The following TBX15 variants were observed in gnomAD, a reference collection of about 807,000 sequenced individuals.
TBX15 encodes the protein T-box transcription factor 15, also known as T-box transcription factor TBX15.
TBX15 carries 18 observed loss-of-function variants against 53.9 expected under a neutral mutation model. The observed-to-expected ratio is 0.33, with a 90% confidence interval of 0.23 to 0.49. The LOEUF (loss-of-function observed/expected upper bound fraction) is 0.49, where lower values mean the gene tolerates loss of function less well. TBX15 is among the 20% of genes least tolerant of loss of function. The pLI is 0.98. For synonymous variants in TBX15, 295 were observed against 278.0 expected (o/e 1.06, Z -0.61); for missense variants, 692 against 749.5 (o/e 0.92, Z 0.90).
At chr1:118,949,538 T>C (rs1419290) in intron 1 of TBX15, among the ~76,000 whole-genome samples, 8,484 of 152,318 alleles carry the variant, frequency 0.056, 279 homozygotes, top group Middle Eastern at 0.085. Flanking sequence ...GGGAGTTTCT[T>C]TCAAGTTTGT....
chr1:118,904,889 G>C (rs1172370344), intron 6 of TBX15, among the ~76,000 whole-genome samples: 1 of 152,170 alleles, frequency 6.6e-6, no homozygotes, highest in Non-Finnish European at 1.5e-5. Flanking sequence ...CTGACTATTA[G>C]TACAACCTTT....
intron 7 of TBX15, among the ~76,000 whole-genome samples, chr1:118,894,870 C>T (rs923004138): frequency 1.3e-5 from 2 of 152,056 alleles, no homozygotes; most frequent in Admixed American, 6.6e-5. Flanking sequence ...AGGAGCTCTT[C>T]ATGATTATAG....
At chr1:118,939,444 A>AAAAAC (rs1656091411) in intron 1 of TBX15, among the ~76,000 whole-genome samples, 1 of 136,012 alleles carries the variant, frequency 7.4e-6, no homozygotes, top group African/African-American at 2.7e-5. Context: ...AAACAAAAAC[A>AAAAAC]GGAACAGAAA....
At chr1:118,965,090 C>T (rs1656996299) in intron 1 of TBX15, among the ~76,000 whole-genome samples, 1 of 152,232 alleles carries the variant, frequency 6.6e-6, no homozygotes, top group South Asian at 2.1e-4. Flanking sequence ...TTTATTCTCT[C>T]CCTCACTAAC....
chr1:118,919,916 AAT>A (rs773563230), intron 5 of TBX15, among the ~76,000 whole-genome samples: 2 of 152,182 alleles, frequency 1.3e-5, no homozygotes, highest in African/African-American at 2.4e-5. Flanking sequence ...GACAAAATAA[AAT>A]AGTCTATTAA....
At chr1:118,943,192 C>T (rs937008901) in intron 1 of TBX15, among the ~76,000 whole-genome samples, 2 of 152,088 alleles carry the variant, frequency 1.3e-5, no homozygotes, top group East Asian at 1.9e-4. Context: ...TGACCATATG[C>T]GTTAAGTCTT....
In TBX15 at chr1:118,905,954, G is replaced by C. The variant is rs139134536; in HGVS notation, c.927-6829C>G. ...AGCAAGCTATGCCTAGCAGAAGAGAGTGAAACCATTCTCTGTACACTGTCA... is the reference window on the plus strand; with the variant it reads ...AGCAAGCTATGCCTAGCAGAAGAGACTGAAACCATTCTCTGTACACTGTCA... On this transcript the variant is annotated intron_variant, in intron 6 of 7. Transcript: ENST00000369429. Among the ~76,000 whole-genome samples, 593 of 152,296 alleles carry C rather than the reference G, an allele frequency of 3.9e-3. 2 individuals carry two copies. The highest frequency in any genetic ancestry group is 6.6e-3 in the Non-Finnish European group (449 of 68,014).
At chr1:118,890,396 A>T (rs1273546658) in intron 7 of TBX15, among the ~76,000 whole-genome samples, 1 of 152,120 alleles carries the variant, frequency 6.6e-6, no homozygotes, top group East Asian at 1.9e-4. Context: ...TTAAAATATA[A>T]TGCCCTAAGT....
At chr1:118,892,179 GACTTT>G (rs1443297548) in intron 7 of TBX15, among the ~76,000 whole-genome samples, 1 of 152,120 alleles carries the variant, frequency 6.6e-6, no homozygotes, top group African/African-American at 2.4e-5. Flanking sequence ...ATAAGATAGT[GACTTT>G]ACTTTAGAAA....
intron 7 of TBX15, among the ~76,000 whole-genome samples, chr1:118,888,861 A>C (rs531637626): frequency 6.6e-6 from 1 of 152,254 alleles, no homozygotes; most frequent in South Asian, 2.1e-4. Flanking sequence ...TGATGGCCCA[A>C]GATGGAAGGA....
At chr1:118,904,329 A>G (rs1654738469) in intron 6 of TBX15, among the ~76,000 whole-genome samples, 1 of 152,174 alleles carries the variant, frequency 6.6e-6, no homozygotes, top group Non-Finnish European at 1.5e-5. Context: ...CAAACCTTCC[A>G]TACTTCTTTC....
intron 6 of TBX15, among the ~76,000 whole-genome samples, chr1:118,910,822 G>A (rs1238558683): frequency 6.6e-6 from 1 of 152,124 alleles, no homozygotes; most frequent in African/African-American, 2.4e-5. Context: ...AGTTTCACCT[G>A]CTAGGGAAGG....
chr1:118,906,138 T>C (rs943604012), intron 6 of TBX15, among the ~76,000 whole-genome samples: 6 of 152,214 alleles, frequency 3.9e-5, no homozygotes, highest in Admixed American at 3.9e-4. Context: ...ATTGCTTGTA[T>C]ACTTATGATT....
At chr1:118,973,109 G>A (rs56897173) in intron 1 of TBX15, among the ~76,000 whole-genome samples, 55,550 of 151,992 alleles carry the variant, frequency 0.37, 11,031 homozygotes, top group Non-Finnish European at 0.44. Flanking sequence ...AAGCACCTTA[G>A]ATTTGTTATC....
intron 1 of TBX15, among the ~76,000 whole-genome samples, chr1:118,936,381 T>A (rs1007977901): frequency 6.6e-6 from 1 of 152,184 alleles, no homozygotes; most frequent in Non-Finnish European, 1.5e-5. Flanking sequence ...GCATCTCCAC[T>A]TAACAGTTAA....
At chr1:118,939,429 A>G (rs1480225959) in intron 1 of TBX15, among the ~76,000 whole-genome samples, 3 of 100,932 alleles carry the variant, frequency 3.0e-5, no homozygotes, top group South Asian at 5.8e-4. Context: ...AAAAAAAAAA[A>G]AAAAAAACAA....
chr1:118,957,317 C>T (rs1656724672), intron 1 of TBX15, among the ~76,000 whole-genome samples: 1 of 152,164 alleles, frequency 6.6e-6, no homozygotes, highest in South Asian at 2.1e-4. Context: ...AGAGTAATGC[C>T]TTGGCCCACT....
chr1:118,896,341 A>T (rs1654422835), intron 7 of TBX15, among the ~76,000 whole-genome samples: 1 of 152,202 alleles, frequency 6.6e-6, no homozygotes, highest in Admixed American at 6.5e-5. Flanking sequence ...AAATTTTTGC[A>T]AAACTGTGGA....
At chr1:118,910,419 T>C (rs1367075003) in intron 6 of TBX15, among the ~76,000 whole-genome samples, 1 of 151,996 alleles carries the variant, frequency 6.6e-6, no homozygotes, top group Non-Finnish European at 1.5e-5. Context: ...TTGTTGTTGT[T>C]GTTGTTGTTG....
Sources: allele counts gnomAD v4.1 joint callset (sites outside exome capture counted in the v4.1 genomes callset), GRCh38; gene constraint gnomAD v4.1.1; transcripts MANE v1.5; gene names NCBI Gene and HGNC (gene_info 2026-07-23, HGNC 2026-07-21).